SMARCA2: variants seen among roughly 807,000 people sequenced by gnomAD.
The protein encoded by SMARCA2 is SWI/SNF related BAF chromatin remodeling complex subunit ATPase 2, also known as SWI/SNF-related matrix-associated actin-dependent regulator of chromatin subfamily A member 2.
SMARCA2 carries 61 observed loss-of-function variants against 199.8 expected under a neutral mutation model. That is an observed-to-expected ratio of 0.31 (90% CI 0.25 to 0.38). The LOEUF is 0.38. Among genes scored for constraint, SMARCA2 ranks in the 10% least tolerant of loss-of-function variants. The pLI, the probability that SMARCA2 is intolerant of heterozygous loss-of-function variation, is 1.00. For missense variants in SMARCA2, 1,344 were observed against 2,012.2 expected, an observed-to-expected ratio of 0.67 and a Z score of 6.35; for synonymous variants, 935 against 732.0, an observed-to-expected ratio of 1.28 and a Z score of -4.48.
At chr9:2,120,717 T>G (rs1177867958) in intron 26 of SMARCA2, among the ~76,000 whole-genome samples, 1 of 152,156 alleles carries the variant, frequency 6.6e-6, no homozygotes, top group African/African-American at 2.4e-5. Context: ...TCAGGAAAAT[T>G]CAGGTAGCTG....
At chr9:2,026,787 A>T (rs1818850830) in intron 1 of SMARCA2, among the ~76,000 whole-genome samples, 1 of 152,242 alleles carries the variant, frequency 6.6e-6, no homozygotes, top group Non-Finnish European at 1.5e-5. Flanking sequence ...CCCTGAATCG[A>T]CGTCAGCTTC....
At chr9:2,180,535 G>C (rs1390742754) in intron 29 of SMARCA2, among the ~76,000 whole-genome samples, 1 of 152,160 alleles carries the variant, frequency 6.6e-6, no homozygotes, top group Non-Finnish European at 1.5e-5. Context: ...TTTTATGGCA[G>C]TGATTTATGA....
At chr9:2,054,052 G>A (rs548580260) in intron 5 of SMARCA2, among the ~76,000 whole-genome samples, 193 of 152,304 alleles carry the variant, frequency 1.3e-3, no homozygotes, top group African/African-American at 4.4e-3. Context: ...CTGGCAGAGC[G>A]CTTTCTGAAT....
intron 1 of SMARCA2, among the ~76,000 whole-genome samples, chr9:2,026,207 C>G (rs927327090): frequency 6.6e-6 from 1 of 152,194 alleles, no homozygotes; most frequent in African/African-American, 2.4e-5. Context: ...CTCTGCCATT[C>G]ATTAGTTATA....
At chr9:2,087,588 G>A (rs1276629735) in intron 18 of SMARCA2, among the ~76,000 whole-genome samples, 2 of 150,984 alleles carry the variant, frequency 1.3e-5, no homozygotes, top group Non-Finnish European at 2.9e-5. Context: ...AGTTTTGTGT[G>A]TACATAAATA....
intron 25 of SMARCA2, 114 bp downstream of exon 25, chr9:2,116,163 A>G (rs1006842469): frequency 1.2e-5 from 9 of 758,358 alleles, no homozygotes; most frequent in African/African-American, 5.3e-5. Context: ...ATGAAAATGA[A>G]GAAATAAACT....
chr9:2,097,513 A>G, intron 21 of SMARCA2, 42 bp downstream of exon 21: 1 of 1,124,012 alleles, frequency 8.9e-7, no homozygotes, highest in Non-Finnish European at 1.3e-6. Flanking sequence ...TGTGCTAATC[A>G]TACTAATGCT....
In SMARCA2 at chr9:2,081,831, G is replaced by C; in HGVS notation, c.2185-1G>C. ...ATTGAAGCAATTACTCTTCATTTCAGCTCCAGGGCCTGGAATGGATGGTTT... is the reference window on the plus strand; with the variant it reads ...ATTGAAGCAATTACTCTTCATTTCACCTCCAGGGCCTGGAATGGATGGTTT... On this transcript the variant is annotated splice_acceptor_variant, in intron 14 of 33. Transcript: ENST00000349721. LOFTEE classifies it high-confidence loss of function. 1 of 1,613,608 alleles carries C rather than the reference G, an allele frequency of 6.2e-7. No individual in the cohort carries two copies. Among genetic ancestry groups the C allele is most frequent in the Non-Finnish European group, 8.5e-7 (1 of 1,179,744 alleles).
intron 32 of SMARCA2, among the ~76,000 whole-genome samples, chr9:2,188,960 C>T (rs1827685612): frequency 6.6e-6 from 1 of 152,182 alleles, no homozygotes; most frequent in South Asian, 2.1e-4. Flanking sequence ...AACTTTAAAG[C>T]CAGCAATGAC....
At chr9:2,055,125 A>G (rs1044200462) in intron 6 of SMARCA2, among the ~76,000 whole-genome samples, 1 of 152,246 alleles carries the variant, frequency 6.6e-6, no homozygotes, top group Non-Finnish European at 1.5e-5. Flanking sequence ...ACGACTGTGA[A>G]AATAATTTTA....
At chr9:2,089,001 G>A (rs575619275) in intron 19 of SMARCA2, among the ~76,000 whole-genome samples, 6 of 151,598 alleles carry the variant, frequency 4.0e-5, no homozygotes, top group African/African-American at 1.5e-4. Flanking sequence ...ATTGAAGGGG[G>A]TGGTAAACAT....
At chr9:2,099,689 C>T (rs1365105908) in intron 21 of SMARCA2, among the ~76,000 whole-genome samples, 1 of 152,144 alleles carries the variant, frequency 6.6e-6, no homozygotes, top group Non-Finnish European at 1.5e-5. Context: ...AACTATGGAA[C>T]AGAGATGGTG....
chr9:2,191,386 G>C lies in SMARCA2; in HGVS notation c.4715G>C (p.Ser1572Thr), dbSNP rs753771608. 6.2e-6 allele frequency: 10 copies of C among 1,614,184 alleles called. No homozygotes were observed. Among genetic ancestry groups the C allele is most frequent in the South Asian group, 1.1e-5 (1 of 91,086 alleles). The change falls in exon 33 of 34, where the codon AGC becomes ACC. Residue 1572 changes from serine to threonine, a missense_variant. Physicochemically the swap from Ser to Thr is moderately conservative, Grantham distance 58. This residue lies in a region of SMARCA2 where 155 missense variants were observed against 121.1 expected (regional missense o/e 1.28). Transcript: ENST00000349721. ...KAKPVVSDFD[S>T]DEEQDEREQS... ...AAACCTGTAGTGAGCGATTTTGACA[G>C]CGATGAGGAGCAGGATGAACGTGTA...
intron 4 of SMARCA2, chr9:2,044,239 G>A (rs1226103131): frequency 6.6e-6 from 1 of 152,270 alleles, no homozygotes; most frequent in African/African-American, 2.4e-5. Flanking sequence ...TCGGAGGGAA[G>A]AGGAAATAGA....
rs924130628 is a variant in SMARCA2, at chr9:2,170,887, C to T, written c.4253+415C>T. Among the ~76,000 whole-genome samples, 5 of 152,130 alleles carry T rather than the reference C, an allele frequency of 3.3e-5. No individual in the cohort carries two copies. Among genetic ancestry groups the T allele is most frequent in the Non-Finnish European group, 7.4e-5 (5 of 68,014 alleles). ...GCACCTGTAGTGACTTGATCTCCTG[C>T]GAGACATGAAGAAGCGTGCATGTTC... On this transcript the variant is annotated intron_variant, in intron 29 of 33. Transcript: ENST00000349721. This position sits in a 1 kb window ranked among gnomAD's most constrained non-coding sequence, Gnocchi z 4.7.
At chr9:2,063,724 G>T (rs74457123) in intron 9 of SMARCA2, among the ~76,000 whole-genome samples, 2 of 122,888 alleles carry the variant, frequency 1.6e-5, no homozygotes, top group South Asian at 3.2e-4. Context: ...TATTTTCAGC[G>T]TTAAACTAGT....
chr9:2,144,543 C>T (rs1210641015), intron 27 of SMARCA2, among the ~76,000 whole-genome samples: 1 of 152,174 alleles, frequency 6.6e-6, no homozygotes, highest in African/African-American at 2.4e-5. Flanking sequence ...GCAGATTTTA[C>T]ACCCAGGAGG....
intron 9 of SMARCA2, among the ~76,000 whole-genome samples, chr9:2,068,581 G>T (rs930618113): frequency 1.3e-5 from 2 of 152,148 alleles, no homozygotes; most frequent in African/African-American, 2.4e-5. Flanking sequence ...AAGGCAAAAC[G>T]TATTATATAA....
intron 8 of SMARCA2, among the ~76,000 whole-genome samples, chr9:2,060,396 G>T (rs979622480): frequency 2.6e-5 from 4 of 152,170 alleles, no homozygotes; most frequent in Admixed American, 1.3e-4. Context: ...GTTGTTTGGG[G>T]TTGGTTATAG....
Sources: allele counts gnomAD v4.1 joint callset (sites outside exome capture counted in the v4.1 genomes callset), GRCh38; gene constraint gnomAD v4.1.1; regional missense constraint gnomAD v4.1.1; non-coding constraint Gnocchi (gnomAD v3.1); transcripts MANE v1.5; gene names NCBI Gene and HGNC (gene_info 2026-07-23, HGNC 2026-07-21).